The following PACRG variants were observed in gnomAD, a reference collection of about 807,000 sequenced individuals.
PACRG encodes the protein parkin coregulated, also known as parkin coregulated gene protein.
In PACRG, 29 loss-of-function variants were observed where a neutral mutation model predicts 29.7. The observed-to-expected ratio is 0.98, with a 90% confidence interval of 0.73 to 1.33. The LOEUF is 1.33. Among genes scored for constraint, PACRG ranks in the 40% most tolerant of loss-of-function variants. The pLI, the probability that PACRG is intolerant of heterozygous loss-of-function variation, is 0.00. For synonymous variants in PACRG, 116 were observed against 118.7 expected (o/e 0.98, Z 0.15); for missense variants, 279 against 316.2 (o/e 0.88, Z 0.89).
chr6:163,157,693 C>T (rs555318193), intron 4 of PACRG, among the ~76,000 whole-genome samples: 7 of 152,310 alleles, frequency 4.6e-5, no homozygotes, highest in Non-Finnish European at 7.4e-5. Context: ...TGAAAAAGGA[C>T]ACGAACCAAT....
At chr6:163,270,007 G>C (rs1783763107) in intron 4 of PACRG, among the ~76,000 whole-genome samples, 1 of 84,208 alleles carries the variant, frequency 1.2e-5, no homozygotes, top group African/African-American at 5.5e-5. Flanking sequence ...AAGAAAGAAA[G>C]GAGGGAGGGA....
chr6:163,142,282 T>C (rs532574778), intron 4 of PACRG, among the ~76,000 whole-genome samples: 4 of 152,078 alleles, frequency 2.6e-5, no homozygotes, highest in Non-Finnish European at 5.9e-5. Flanking sequence ...TTCTTTGAAA[T>C]AGCAAATAAA....
At chr6:162,889,895 C>T (rs1359512361) in intron 2 of PACRG, among the ~76,000 whole-genome samples, 94 of 152,264 alleles carry the variant, frequency 6.2e-4, no homozygotes, top group Non-Finnish European at 2.2e-4. Flanking sequence ...CATTTTAGCA[C>T]AATCTCCTGT....
intron 4 of PACRG, among the ~76,000 whole-genome samples, chr6:163,242,882 C>G (rs1346877137): frequency 6.6e-6 from 1 of 152,194 alleles, no homozygotes; most frequent in Non-Finnish European, 1.5e-5. Context: ...GAGTTGAGAT[C>G]TAAACCAACA....
intron 2 of PACRG, among the ~76,000 whole-genome samples, chr6:162,937,393 C>T (rs1318834544): frequency 6.6e-6 from 1 of 152,084 alleles, no homozygotes; most frequent in Non-Finnish European, 1.5e-5. Flanking sequence ...GAAGGGAGTG[C>T]TAAGAACAAA....
intron 4 of PACRG, among the ~76,000 whole-genome samples, chr6:163,207,063 T>C (rs1780933749): frequency 6.6e-6 from 1 of 152,244 alleles, no homozygotes. Flanking sequence ...AGTCAATATT[T>C]GTCAACATAT....
intron 1 of PACRG, among the ~76,000 whole-genome samples, chr6:162,797,746 A>AT (rs1785506199): frequency 6.6e-6 from 1 of 151,818 alleles, no homozygotes; most frequent in African/African-American, 2.4e-5. Context: ...CACATTATTC[A>AT]TTTTTCTCAT....
intron 2 of PACRG, among the ~76,000 whole-genome samples, chr6:163,008,363 C>G (rs1188029204): frequency 6.6e-6 from 1 of 152,044 alleles, no homozygotes; most frequent in Non-Finnish European, 1.5e-5. Context: ...AAAATCACAG[C>G]TAATTGACTC....
intron 3 of PACRG, among the ~76,000 whole-genome samples, chr6:163,086,027 A>G (rs1813525591): frequency 6.6e-6 from 1 of 152,234 alleles, no homozygotes; most frequent in Non-Finnish European, 1.5e-5. Context: ...GGCGGTGCTC[A>G]CTACATGTTA....
At chr6:163,063,894 C>T (rs1811304958) in intron 3 of PACRG, among the ~76,000 whole-genome samples, 1 of 152,108 alleles carries the variant, frequency 6.6e-6, no homozygotes. Flanking sequence ...ACGTTAAAAC[C>T]TTTTCCAAAA....
chr6:163,122,302 C>T (rs1272988703), intron 4 of PACRG, among the ~76,000 whole-genome samples: 1 of 151,966 alleles, frequency 6.6e-6, no homozygotes, highest in Non-Finnish European at 1.5e-5. Context: ...CACACACACA[C>T]ACTTCCTTTT....
chr6:162,758,015 A>C (rs544045739), intron 1 of PACRG, among the ~76,000 whole-genome samples: 2 of 152,194 alleles, frequency 1.3e-5, no homozygotes, highest in African/African-American at 4.8e-5. Context: ...CTTTAATGGC[A>C]ATGCTGTAGG....
chr6:163,105,542 G>A (rs1815334822), intron 4 of PACRG, among the ~76,000 whole-genome samples: 1 of 152,090 alleles, frequency 6.6e-6, no homozygotes, highest in Non-Finnish European at 1.5e-5. Flanking sequence ...ACTGCTTAAA[G>A]TTTGGGAAAT....
At chr6:162,988,868 G>A (rs1803146289) in intron 2 of PACRG, among the ~76,000 whole-genome samples, 1 of 152,160 alleles carries the variant, frequency 6.6e-6, no homozygotes, top group African/African-American at 2.4e-5. Flanking sequence ...TGAAAACTAT[G>A]AGTATGGTTT....
rs185566773 is a variant in PACRG at position 162,815,405 on chromosome 6, C to A, written c.291+1124C>A. On this transcript the variant is annotated intron_variant, in intron 2 of 4. Transcript: ENST00000366888. ...CATTGAAAGGATTATTGCATTATATCTAGTATGTCTTTTGAAATATTTTCA... is the reference window on the plus strand; with the variant it reads ...CATTGAAAGGATTATTGCATTATATATAGTATGTCTTTTGAAATATTTTCA... 8.0e-4 allele frequency among the ~76,000 whole-genome samples: 119 copies of A among 149,302 alleles called. No individual in the cohort carries two copies. The East Asian group carries it at 0.012, about 15-fold the overall frequency.
chr6:163,135,907 A>T (rs1308515369), intron 4 of PACRG, among the ~76,000 whole-genome samples: 1 of 152,194 alleles, frequency 6.6e-6, no homozygotes, highest in Non-Finnish European at 1.5e-5. Context: ...CTTTTCTTGT[A>T]TTAATCAAGT....
chr6:162,850,653 C>T (rs939520894), intron 2 of PACRG, among the ~76,000 whole-genome samples: 2 of 152,134 alleles, frequency 1.3e-5, no homozygotes, highest in Non-Finnish European at 2.9e-5. Flanking sequence ...GAGGGTGGAT[C>T]ACCTGGAGAG....
intron 2 of PACRG, among the ~76,000 whole-genome samples, chr6:163,021,869 C>T (rs550208344): frequency 3.3e-5 from 5 of 152,304 alleles, no homozygotes; most frequent in South Asian, 2.1e-4. Context: ...CCTGTTATTC[C>T]GAGTTAAGCA....
chr6:162,923,635 T>G (rs1420402681), intron 2 of PACRG, among the ~76,000 whole-genome samples: 1 of 152,162 alleles, frequency 6.6e-6, no homozygotes, highest in Non-Finnish European at 1.5e-5. Context: ...ATGTATGTTC[T>G]TGGCATCTTT....
Sources: gnomAD v4.1 joint callset for allele counts (sites outside exome capture counted in the v4.1 genomes callset) on GRCh38, gnomAD v4.1.1 for gene constraint, MANE v1.5 for transcripts, NCBI Gene and HGNC (gene_info 2026-07-23, HGNC 2026-07-21) for gene names.